NDUFAF6: variants seen among roughly 807,000 people sequenced by gnomAD.
NDUFAF6 encodes the protein NADH:ubiquinone oxidoreductase complex assembly factor 6.
NDUFAF6 carries 45 observed loss-of-function variants against 40.8 expected under a neutral mutation model. The observed-to-expected ratio is 1.10, with a 90% CI of 0.87 to 1.42. The LOEUF (loss-of-function observed/expected upper bound fraction) is 1.42, where lower values mean the gene tolerates loss of function less well. Ranked by LOEUF, NDUFAF6 falls within the 40% of genes most tolerant of loss-of-function variation. The probability of loss-of-function intolerance (pLI) is 0.00; values close to 1 mark genes in which losing one functional copy is unlikely to be tolerated. For missense variants in NDUFAF6, 435 were observed against 418.5 expected (o/e 1.04, Z -0.34); for synonymous variants, 185 against 155.9 (o/e 1.19, Z -1.39).
intron 3 of NDUFAF6, among the ~76,000 whole-genome samples, chr8:95,036,122 A>G (rs1278792190): frequency 1.3e-5 from 2 of 152,224 alleles, no homozygotes; most frequent in Admixed American, 6.5e-5. Flanking sequence ...ATGGAAACCT[A>G]TGGGCTAGAG....
chr8:95,075,107 A>G (rs937612563), intron 9 of NDUFAF6, among the ~76,000 whole-genome samples: 1 of 152,194 alleles, frequency 6.6e-6, no homozygotes, highest in African/African-American at 2.4e-5. Flanking sequence ...ACCCAGGGTC[A>G]CAAGGATCCC....
chr8:94,971,769 C>A (rs1356662424), intron 1 of NDUFAF6, among the ~76,000 whole-genome samples: 1 of 152,104 alleles, frequency 6.6e-6, no homozygotes, highest in Non-Finnish European at 1.5e-5. Flanking sequence ...AAACCCCCGT[C>A]TCTACTAAAA....
At position 94,925,944 on chromosome 8, in the gene NDUFAF6, G is replaced by A. The variant is rs1023246257; in HGVS notation, c.-935-19539G>A. The A allele has an allele frequency of 3.9e-5, 6 of 152,552 alleles. No individual in the cohort carries two copies. In the South Asian group the frequency reaches 1.0e-3, roughly 26 times the overall value. 9.4% of individuals were successfully genotyped at this position (152,552 alleles called of 1,614,324 possible). On this transcript the variant is annotated intron_variant, in intron 1 of 14. Coordinates refer to the NDUFAF6 transcript ENST00000396113. ...TTGTACCTCCTTTTAATATTAATGAGTATAAAGATAAAAGAATCTGACAAG... is the reference window on the plus strand; with the variant it reads ...TTGTACCTCCTTTTAATATTAATGAATATAAAGATAAAAGAATCTGACAAG...
At chr8:95,068,774 A>G (rs1438596304) in intron 9 of NDUFAF6, 2 of 151,814 alleles carry the variant, frequency 1.3e-5, no homozygotes, top group Non-Finnish European at 2.9e-5. Context: ...CTCTCCTTCC[A>G]TTCATTGCCA....
chr8:94,932,585 T>C (rs1427662464), intron 1 of NDUFAF6, among the ~76,000 whole-genome samples: 1 of 151,796 alleles, frequency 6.6e-6, no homozygotes, highest in Admixed American at 6.6e-5. Context: ...GGGCGGATCG[T>C]GAGGTCAGGA....
At chr8:95,082,805 G>A (rs1048452018) in intron 2 of NDUFAF6, among the ~76,000 whole-genome samples, 2 of 151,466 alleles carry the variant, frequency 1.3e-5, no homozygotes, top group African/African-American at 4.8e-5. Context: ...GACTACAGGC[G>A]CCCGCCACTA....
chr8:94,922,801 C>T (rs888943166), intron 1 of NDUFAF6, among the ~76,000 whole-genome samples: 9 of 152,054 alleles, frequency 5.9e-5, no homozygotes, highest in African/African-American at 2.2e-4. Flanking sequence ...TAACAGGATC[C>T]CCCAGATGAT....
intron 1 of NDUFAF6, among the ~76,000 whole-genome samples, chr8:94,969,714 G>A: frequency 6.6e-6 from 1 of 152,126 alleles, no homozygotes; most frequent in African/African-American, 2.4e-5. Flanking sequence ...AGAATATATT[G>A]ATATCAATAA....
intron 1 of NDUFAF6, chr8:94,896,409 G>A (rs758650764): frequency 6.6e-6 from 1 of 152,018 alleles, no homozygotes; most frequent in Non-Finnish European, 1.5e-5. Flanking sequence ...TAAACTTAGG[G>A]GTCCCTTCGC....
chr8:94,942,434 C>T (rs1397509169), intron 1 of NDUFAF6, among the ~76,000 whole-genome samples: 1 of 152,170 alleles, frequency 6.6e-6, no homozygotes, highest in Non-Finnish European at 1.5e-5. Flanking sequence ...CTTCCATCCA[C>T]CACTCTCATC....
At chr8:95,105,834 C>T (rs567772921), downstream of NDUFAF6, among the ~76,000 whole-genome samples, 2 of 151,936 alleles carry the variant, frequency 1.3e-5, no homozygotes, top group Non-Finnish European at 2.9e-5. Context: ...TGGAGTTTTG[C>T]TATGTTGCCC....
At chr8:94,959,539 G>GTTT (rs3039196) in intron 1 of NDUFAF6, among the ~76,000 whole-genome samples, 120 of 145,168 alleles carry the variant, frequency 8.3e-4, no homozygotes, top group Middle Eastern at 3.8e-3. Context: ...TGTTTTTTTT[G>GTTT]TTTTTTTTTT....
chr8:94,990,257 T>C (rs912427029), intron 2 of NDUFAF6, among the ~76,000 whole-genome samples: 7 of 152,162 alleles, frequency 4.6e-5, no homozygotes, highest in African/African-American at 1.7e-4. Flanking sequence ...AGGGCAACAA[T>C]TTTGTGTAGT....
intron 1 of NDUFAF6, chr8:94,941,154 T>C: frequency 2.0e-6 from 1 of 506,290 alleles, no homozygotes; most frequent in Non-Finnish European, 3.5e-6. Flanking sequence ...CATAAGTACA[T>C]ACACATACAC....
At chr8:95,074,222 G>GA (rs141734950) in intron 9 of NDUFAF6, among the ~76,000 whole-genome samples, 2,879 of 150,352 alleles carry the variant, frequency 0.019, 90 homozygotes, top group African/African-American at 0.065. Flanking sequence ...AAAAGAAGGA[G>GA]AAAAAAAAAT....
At chr8:94,922,479 ATTTT>A (rs34170290) in intron 1 of NDUFAF6, among the ~76,000 whole-genome samples, 1 of 135,532 alleles carries the variant, frequency 7.4e-6, no homozygotes, top group Non-Finnish European at 1.6e-5. Flanking sequence ...AGAATCTGCA[ATTTT>A]TTTTTTTTTT....
intron 2 of NDUFAF6, among the ~76,000 whole-genome samples, chr8:94,987,232 G>A (rs929131949): frequency 3.3e-5 from 5 of 152,136 alleles, no homozygotes; most frequent in African/African-American, 7.2e-5. Flanking sequence ...CACAGTATGT[G>A]TATTATTTTG....
chr8:95,027,065 A>G (rs544511424), intron 1 of NDUFAF6, among the ~76,000 whole-genome samples: 47 of 152,238 alleles, frequency 3.1e-4, no homozygotes, highest in African/African-American at 1.1e-3. Context: ...AAACAAAAAT[A>G]TTTAAGTACA....
chr8:94,985,885 T>C (rs1328487550), intron 2 of NDUFAF6, among the ~76,000 whole-genome samples: 5 of 149,832 alleles, frequency 3.3e-5, no homozygotes, highest in Non-Finnish European at 4.4e-5. Context: ...TTTCTTTTTT[T>C]TTTTTTGAGA....
Sources: gnomAD v4.1 joint callset for allele counts (sites outside exome capture counted in the v4.1 genomes callset) on GRCh38, gnomAD v4.1.1 for gene constraint, MANE v1.5 for transcripts, NCBI Gene and HGNC (gene_info 2026-07-23, HGNC 2026-07-21) for gene names.